Variants in GCNT2 observed in about 807,000 individuals in gnomAD.
GCNT2 encodes N-acetyllactosaminide beta-1,6-N-acetylglucosaminyl-transferase.
Under a neutral mutation model 34.2 loss-of-function variants are expected in GCNT2, and 34 were observed. The observed-to-expected ratio is 1.00, with a 90% CI of 0.76 to 1.32. GCNT2 has a LOEUF of 1.32. Ranked by LOEUF, GCNT2 falls within the 40% of genes most tolerant of loss-of-function variation. The pLI, the probability that GCNT2 is intolerant of heterozygous loss-of-function variation, is 0.00. For synonymous variants in GCNT2, 212 were observed against 188.0 expected, an observed-to-expected ratio of 1.13 and a Z score of -1.04; for missense variants, 584 against 489.4, an observed-to-expected ratio of 1.19 and a Z score of -1.82.
intron 3 of GCNT2, among the ~76,000 whole-genome samples, chr6:10,548,675 T>A (rs796644197): frequency 6.6e-6 from 1 of 152,382 alleles, no homozygotes; most frequent in African/African-American, 2.4e-5. Flanking sequence ...TGTTCAACAT[T>A]ATGTTTGTGA....
chr6:10,563,604 T>A (rs1301025954), intron 3 of GCNT2, among the ~76,000 whole-genome samples: 1 of 151,374 alleles, frequency 6.6e-6, no homozygotes, highest in African/African-American at 2.4e-5. Flanking sequence ...TAGCCTGGCG[T>A]GGTGGCAGGA....
chr6:10,586,371 G>A (rs542562729), intron 3 of GCNT2: 21 of 1,614,106 alleles, frequency 1.3e-5, no homozygotes, highest in Admixed American at 1.7e-5. Context: ...CTGTGTTCAC[G>A]TGGATGAGAA....
At chr6:10,567,876 G>T (rs910960571) in intron 3 of GCNT2, among the ~76,000 whole-genome samples, 8 of 152,186 alleles carry the variant, frequency 5.3e-5, no homozygotes, top group African/African-American at 1.7e-4. Context: ...ATAATGAAAA[G>T]GTGATCACTT....
At chr6:10,610,472 T>C (rs936008999) in intron 3 of GCNT2, among the ~76,000 whole-genome samples, 3 of 152,176 alleles carry the variant, frequency 2.0e-5, no homozygotes, top group Non-Finnish European at 4.4e-5. Context: ...CAATGGACCA[T>C]GTCAGCATTG....
chr6:10,626,375 G>A (rs1219911545), intron 4 of GCNT2, 42 bp from the exon 5 acceptor site: 3 of 1,423,600 alleles, frequency 2.1e-6, no homozygotes, highest in Non-Finnish European at 3.0e-6. Flanking sequence ...CCTTTTGAAA[G>A]CAAGCATGTT....
chr6:10,555,415 G>T (rs556979383), intron 3 of GCNT2, among the ~76,000 whole-genome samples: 1 of 152,100 alleles, frequency 6.6e-6, no homozygotes, highest in East Asian at 1.9e-4. Context: ...AAGCTTAACT[G>T]GGCAGGCATA....
chr6:10,607,886 CAG>C (rs1217264141), intron 3 of GCNT2, among the ~76,000 whole-genome samples: 1 of 152,076 alleles, frequency 6.6e-6, no homozygotes, highest in Admixed American at 6.6e-5. Flanking sequence ...AACTGAGGAA[CAG>C]AGAGATTAGA....
intron 3 of GCNT2, among the ~76,000 whole-genome samples, chr6:10,604,189 G>A (rs958344743): frequency 1.1e-4 from 16 of 152,144 alleles, no homozygotes; most frequent in African/African-American, 2.4e-4. Context: ...GAGCCACCGC[G>A]CCCAGCCTAT....
chr6:10,540,320 C>T (rs1761981764), intron 3 of GCNT2, among the ~76,000 whole-genome samples: 1 of 152,196 alleles, frequency 6.6e-6, no homozygotes, highest in Non-Finnish European at 1.5e-5. Flanking sequence ...AGCCAAATGG[C>T]CTCCACAACC....
intron 3 of GCNT2, among the ~76,000 whole-genome samples, chr6:10,579,052 A>T (rs1380326405): frequency 3.3e-5 from 5 of 152,104 alleles, no homozygotes; most frequent in Admixed American, 6.6e-5. Context: ...TTTTAATATG[A>T]ATTTCTCTGA....
At chr6:10,552,598 G>A (rs1762532760) in intron 3 of GCNT2, among the ~76,000 whole-genome samples, 1 of 151,944 alleles carries the variant, frequency 6.6e-6, no homozygotes, top group Non-Finnish European at 1.5e-5. Context: ...ATGATTTAAA[G>A]TACAAGAAAG....
intron 3 of GCNT2, among the ~76,000 whole-genome samples, chr6:10,551,528 G>A (rs1026864615): frequency 1.4e-5 from 2 of 148,024 alleles, no homozygotes; most frequent in African/African-American, 5.0e-5. Flanking sequence ...TCACAGCAAC[G>A]TTCGCCTCCC....
At chr6:10,531,668 G>T (rs550244537) in intron 3 of GCNT2, among the ~76,000 whole-genome samples, 1 of 152,212 alleles carries the variant, frequency 6.6e-6, no homozygotes, top group African/African-American at 2.4e-5. Flanking sequence ...AAGAAATTAG[G>T]GCTCAGGAAA....
At chr6:10,551,974 G>T (rs1762503932) in intron 3 of GCNT2, among the ~76,000 whole-genome samples, 1 of 151,568 alleles carries the variant, frequency 6.6e-6, no homozygotes, top group Non-Finnish European at 1.5e-5. Flanking sequence ...GGCCAGGCTG[G>T]TCTCAAACTC....
chr6:10,579,934 C>T (rs1367209338), intron 3 of GCNT2, among the ~76,000 whole-genome samples: 3 of 151,276 alleles, frequency 2.0e-5, no homozygotes, highest in Non-Finnish European at 2.9e-5. Flanking sequence ...TGTAGTTGAA[C>T]TTACTTCACC....
At chr6:10,558,329 A>C (rs562844257) in intron 3 of GCNT2, among the ~76,000 whole-genome samples, 144 of 152,356 alleles carry the variant, frequency 9.5e-4, no homozygotes, top group African/African-American at 3.3e-3. Context: ...ATGAAGCTTT[A>C]CTATGGCACC....
chr6:10,558,555 TCTG>T (rs1762828663), intron 3 of GCNT2, among the ~76,000 whole-genome samples: 1 of 152,212 alleles, frequency 6.6e-6, no homozygotes, highest in Non-Finnish European at 1.5e-5. Context: ...TGGGATTTCT[TCTG>T]AAGAAAACAG....
At chr6:10,555,176 G>T (rs997154291) in intron 3 of GCNT2, among the ~76,000 whole-genome samples, 1 of 152,200 alleles carries the variant, frequency 6.6e-6, no homozygotes, top group Non-Finnish European at 1.5e-5. Context: ...CAGGTGAATA[G>T]TGAGGGGAAA....
At chr6:10,580,358 C>T (rs933291557) in intron 3 of GCNT2, among the ~76,000 whole-genome samples, 1 of 152,178 alleles carries the variant, frequency 6.6e-6, no homozygotes, top group Non-Finnish European at 1.5e-5. Context: ...GTGAACTCAC[C>T]GGCCCTGCTC....
Sources: allele counts gnomAD v4.1 joint callset (sites outside exome capture counted in the v4.1 genomes callset), GRCh38; gene constraint gnomAD v4.1.1; transcripts MANE v1.5; gene names NCBI Gene and HGNC (gene_info 2026-07-23, HGNC 2026-07-21).